Variants in SPTB observed in about 807,000 individuals in gnomAD.
SPTB encodes spectrin beta chain, erythrocytic.
Under a neutral mutation model 256.2 loss-of-function variants are expected in SPTB, and 45 were observed. The observed-to-expected ratio is 0.18, with a 90% CI of 0.14 to 0.23. SPTB has a LOEUF of 0.23. SPTB is among the 10% of genes least tolerant of loss of function. The pLI, the probability that SPTB is intolerant of heterozygous loss-of-function variation, is 1.00. For missense variants in SPTB, 2,715 were observed against 3,040.4 expected (o/e 0.89, Z 2.52); for synonymous variants, 1,231 against 1,243.1 (o/e 0.99, Z 0.21).
At chr14:64,861,926 T>C (rs1370214727) in intron 1 of SPTB, among the ~76,000 whole-genome samples, 2 of 152,236 alleles carry the variant, frequency 1.3e-5, no homozygotes, top group Admixed American at 1.3e-4. Context: ...ATCCTCATTG[T>C]GCTGTGATAT....
At position 64,782,489 on chromosome 14, in the gene SPTB, G is replaced by A; in HGVS notation, c.4067C>T (p.Ala1356Val). The A allele has an allele frequency of 6.2e-7, 1 of 1,614,122 alleles. No individual in the cohort carries two copies. Among genetic ancestry groups the A allele is most frequent in the Non-Finnish European group, 8.5e-7 (1 of 1,180,032 alleles). Residue 1356 changes from alanine to valine, a missense_variant, in exon 20 of 36, where the codon GCC becomes GTC. By Grantham distance (64) the Ala-to-Val change is moderately conservative. Around this residue, in one of 4 missense-constraint regions of SPTB, gnomAD observed 2,239 missense variants for 2,384.4 expected, o/e 0.94. Transcript: ENST00000644917. ...CAGCTCGTCCCAGAGCCGGTGCAGGGCTTCCAGCTTTTGGGACACCAGGGC... is the reference window on the plus strand; with the variant it reads ...CAGCTCGTCCCAGAGCCGGTGCAGGACTTCCAGCTTTTGGGACACCAGGGC... ...FTALVSQKLE[A>V]LHRLWDELQA...
Position 64,767,709 on chromosome 14 carries a change from G to T in SPTB, c.6173C>A (p.Thr2058Lys). ...AGCAAAGCGCTCTGCCCAGCTGGCCGTGGACTTCTCAAAAGCCTCATGCCT... is the reference window on the plus strand; with the variant it reads ...AGCAAAGCGCTCTGCCCAGCTGGCCTTGGACTTCTCAAAAGCCTCATGCCT... Reference protein sequence around the residue: ...IKRHEAFEKSTASWAERFAAL... With the variant: ...IKRHEAFEKSKASWAERFAAL... Residue 2058 changes from threonine (T) to lysine (K), a missense_variant, in exon 30 of 36, where the codon ACG (threonine) becomes AAG (lysine). By Grantham distance (78) the Thr-to-Lys change is moderately conservative (BLOSUM62 -1). Coordinates refer to ENST00000644917, the MANE Select transcript of SPTB (RefSeq NM_001355436.2). 1.2e-6 allele frequency: 2 copies of T among 1,614,166 alleles called. No homozygotes were observed. The highest frequency in any genetic ancestry group is 1.7e-6 in the Non-Finnish European group (2 of 1,180,030).
chr14:64,767,946 C>A, intron 29 of SPTB, 87 bp from the exon 30 acceptor site: 1 of 1,503,832 alleles, frequency 6.6e-7, no homozygotes, highest in South Asian at 1.2e-5. Context: ...GGCCAGTGGT[C>A]AGGCAGGTGG....
In SPTB at chr14:64,779,160, G is replaced by C; in HGVS notation, c.4560C>G (p.Asn1520Lys). Residue 1520 changes from asparagine to lysine, a missense_variant, in exon 22 of 36, where the codon AAC (asparagine) becomes AAG (lysine). Asn to Lys is a moderately conservative substitution (Grantham distance 94). Transcript: ENST00000644917. The surrounding 1 kb of genome is among the most constrained non-coding windows in gnomAD (Gnocchi z 4.2). ...LQTVQLFMKK[N>K]QTLQNEILGH... ...GGTGAGGTGACGCAGGACTCACCTG[G>C]TTCTTCTTCATGAACAGTTGCACAG... The C allele has an allele frequency of 6.2e-7, 1 of 1,613,784 alleles. No homozygotes were observed. Among genetic ancestry groups the C allele is most frequent in the South Asian group, 1.1e-5 (1 of 91,044 alleles).
chr14:64,823,297 T>C lies in SPTB; in HGVS notation c.-51-152A>G, dbSNP rs954058399. On this transcript the variant is annotated intron_variant, in intron 1 of 35. Coordinates refer to ENST00000644917, the MANE Select transcript of SPTB (RefSeq NM_001355436.2). The surrounding 1 kb of genome is among the most constrained non-coding windows in gnomAD (Gnocchi z 6.5). ...TGGGCGTGCTTCCTACCAGGGTCTC[T>C]GGGTCGTTTGTTATAAAATATTGCA... 1.5e-5 allele frequency: 10 copies of C among 658,316 alleles called. No individual in the cohort carries two copies. The highest frequency in any genetic ancestry group is 2.2e-5 in the Non-Finnish European group (8 of 370,724). 40.8% of individuals were successfully genotyped at this position (658,316 alleles called of 1,614,324 possible).
Position 64,853,540 on chromosome 14 carries a change from G to A in SPTB, c.-52+26252C>T, listed in dbSNP as rs2139781017. On this transcript the variant is annotated intron_variant, in intron 1 of 35. Coordinates refer to ENST00000644917, the MANE Select transcript of SPTB (RefSeq NM_001355436.2). This position sits in a 1 kb window ranked among gnomAD's most constrained non-coding sequence, Gnocchi z 4.3. The stretch of plus-strand genomic sequence containing the variant: ...GGGAGAACAGTTTCAGTAGGGCACG[G>A]GGACAAGAACCCATGGCAGCAGGGA... 6.6e-6 allele frequency among the ~76,000 whole-genome samples: 1 copy of A among 152,332 alleles called. No individual in the cohort carries two copies. The highest frequency in any genetic ancestry group is 1.5e-5 in the Non-Finnish European group (1 of 68,028).
At position 64,794,549 on chromosome 14, in the gene SPTB, C is replaced by A; in HGVS notation, c.1713G>T (p.Lys571Asn). 1 of 1,614,200 alleles carries A rather than the reference C, an allele frequency of 6.2e-7. No homozygotes were observed. The highest frequency in any genetic ancestry group is 8.5e-7 in the Non-Finnish European group (1 of 1,180,038). ...GGATGGCGATGTCAGCTTCCATCAACTTGTGCTTCTGTAGCAGGTCTTCAA... is the reference window on the plus strand; with the variant it reads ...GGATGGCGATGTCAGCTTCCATCAAATTGTGCTTCTGTAGCAGGTCTTCAA... ...LEVEDLLQKH[K>N]LMEADIAIQG... Residue 571 changes from lysine to asparagine, a missense_variant, in exon 13 of 36, where the codon AAG (lysine) becomes AAT (asparagine). This residue lies in a region of SPTB where 2,239 missense variants were observed against 2,384.4 expected (regional missense o/e 0.94). Transcript: ENST00000644917.
Position 64,772,681 on chromosome 14 carries a change from G to A in SPTB, c.5452C>T (p.Arg1818Cys), listed in dbSNP as rs548493652. ...EILGLIDEKH[R>C]ELPEDVGLDA... Reference sequence around the variant, plus strand: ...AGCCCCACGTCCTCGGGCAGCTCGCGGTGCTTCTCGTCGATGAGGCCCAGG... The same window carrying A: ...AGCCCCACGTCCTCGGGCAGCTCGCAGTGCTTCTCGTCGATGAGGCCCAGG... Residue 1818 changes from arginine (R) to cysteine (C), a missense_variant, in exon 26 of 36, where the codon CGC (arginine) becomes TGC (cysteine). This residue lies in a region of SPTB where 2,239 missense variants were observed against 2,384.4 expected (regional missense o/e 0.94). Coordinates refer to ENST00000644917, the MANE Select transcript of SPTB (RefSeq NM_001355436.2). The surrounding 1 kb of genome is among the most constrained non-coding windows in gnomAD (Gnocchi z 5.4). 3.0e-5 allele frequency: 48 copies of A among 1,613,678 alleles called. No individual in the cohort carries two copies. Among genetic ancestry groups the A allele is most frequent in the East Asian group, 2.9e-4 (13 of 44,878 alleles).
rs1388062168 is a variant in SPTB, at chr14:64,777,370, A to G, written c.4563+1787T>C. On this transcript the variant is annotated intron_variant, in intron 22 of 35. Coordinates refer to ENST00000644917, the MANE Select transcript of SPTB (RefSeq NM_001355436.2). The surrounding 1 kb of genome is among the most constrained non-coding windows in gnomAD (Gnocchi z 4.5). ...ATCCTGATTGCCCACTGAATAATCC[A>G]GGGAAACAGATGCAGCTAGGGGCCT... 6.6e-6 allele frequency among the ~76,000 whole-genome samples: 1 copy of G among 152,216 alleles called. No individual in the cohort carries two copies. The highest frequency in any genetic ancestry group is 1.5e-5 in the Non-Finnish European group (1 of 68,026).
rs1594730808 is a variant in SPTB, at chr14:64,749,408, G to C, written c.6885C>G (p.Val2295=). 2 of 1,607,950 alleles carry C rather than the reference G, an allele frequency of 1.2e-6. No individual in the cohort carries two copies. The highest frequency in any genetic ancestry group is 2.2e-5 in the East Asian group (1 of 44,868). The change falls in exon 36 of 36, where the codon GTC becomes GTG. Residue 2295 remains valine (V), a synonymous_variant. Transcript: ENST00000644917. The surrounding 1 kb of genome is among the most constrained non-coding windows in gnomAD (Gnocchi z 4.7). Reference sequence around the variant, plus strand: ...AAGGCAGGGGCAGGCTCTGCGCCTTGACGCGGATGCTCTGGGACTCGTTGA... The same window carrying C: ...AAGGCAGGGGCAGGCTCTGCGCCTTCACGCGGATGCTCTGGGACTCGTTGA... ...TAINESQSIR[V]KAQSLPLPSL...
intron 1 of SPTB, among the ~76,000 whole-genome samples, chr14:64,842,023 C>G (rs1282467009): frequency 6.6e-6 from 1 of 152,240 alleles, no homozygotes; most frequent in African/African-American, 2.4e-5. Context: ...AATAGTCACA[C>G]TGAGCTGCTT....
In SPTB at chr14:64,827,070, C is replaced by T. The variant is rs2173556; in HGVS notation, c.-51-3925G>A. 6.6e-6 allele frequency among the ~76,000 whole-genome samples: 1 copy of T among 152,196 alleles called. No individual in the cohort carries two copies. The highest frequency in any genetic ancestry group is 1.5e-5 in the Non-Finnish European group (1 of 68,036). On this transcript the variant is annotated intron_variant, in intron 1 of 35. Coordinates refer to ENST00000644917, the MANE Select transcript of SPTB (RefSeq NM_001355436.2). The surrounding 1 kb of genome is among the most constrained non-coding windows in gnomAD (Gnocchi z 4.6). ...ACCTCATGTGCTATGTCCAGTTACT[C>T]CCTGGGTTGGTTAAGAACTGAGAAA... is the stretch of plus-strand genomic sequence containing the variant.
intron 27 of SPTB, 86 bp from the exon 28 acceptor site, chr14:64,769,814 C>A (rs1389082569): frequency 1.3e-6 from 2 of 1,578,840 alleles, no homozygotes; most frequent in East Asian, 2.2e-5. Flanking sequence ...CCCACCTCCC[C>A]CTGCCTGTGG....
rs912579961 is a variant in SPTB at position 64,749,744 on chromosome 14, C to T, written c.6777-48G>A. 9.4e-6 allele frequency: 15 copies of T among 1,602,980 alleles called. No individual in the cohort carries two copies. Among genetic ancestry groups the T allele is most frequent in the Middle Eastern group, 1.6e-4 (1 of 6,072 alleles). Reference sequence around the variant, plus strand: ...GTCATGGAGACACCTCTGGAGGGGGCGCTGGGCAGAGGGCTGGCTCTGATC... The same window carrying T: ...GTCATGGAGACACCTCTGGAGGGGGTGCTGGGCAGAGGGCTGGCTCTGATC... On this transcript the variant is annotated intron_variant, in intron 34 of 35. Transcript: ENST00000644917. The surrounding 1 kb of genome is among the most constrained non-coding windows in gnomAD (Gnocchi z 4.7).
rs755198398 is a variant in SPTB at position 64,793,097 on chromosome 14, C to T, written c.2566G>A (p.Glu856Lys). Residue 856 changes from glutamate to lysine, a missense_variant, in exon 14 of 36, where the codon GAG becomes AAG. Coordinates refer to ENST00000644917, the MANE Select transcript of SPTB (RefSeq NM_001355436.2). This position sits in a 1 kb window ranked among gnomAD's most constrained non-coding sequence, Gnocchi z 7.0. Reference sequence around the variant, plus strand: ...ATCCACAGCTCACAGGCGTCTGTCTCCCCGAACACCGTGTACAGGTCCAGG... The same window carrying T: ...ATCCACAGCTCACAGGCGTCTGTCTTCCCGAACACCGTGTACAGGTCCAGG... The part of the protein sequence containing the change: ...EALDLYTVFG[E>K]TDACELWMGE... 6.2e-7 allele frequency: 1 copy of T among 1,614,034 alleles called. No homozygotes were observed. The highest frequency in any genetic ancestry group is 2.2e-5 in the East Asian group (1 of 44,902).
intron 1 of SPTB, among the ~76,000 whole-genome samples, chr14:64,874,797 C>A (rs1176396607): frequency 6.6e-6 from 1 of 152,218 alleles, no homozygotes; most frequent in Non-Finnish European, 1.5e-5. Flanking sequence ...CGGAATTATT[C>A]AAGTTTCTTC....
chr14:64,784,147 G>A (rs914175517), intron 19 of SPTB, 100 bp downstream of exon 19: 21 of 1,570,630 alleles, frequency 1.3e-5, no homozygotes, highest in African/African-American at 2.7e-5. Context: ...GTTCTGTACT[G>A]TCAGCAAGCT....
chr14:64,755,273 G>T (rs2082004565), intron 32 of SPTB: 1 of 152,246 alleles, frequency 6.6e-6, no homozygotes. Flanking sequence ...TTGGACATCA[G>T]ATCGAAGCTT....
chr14:64,794,185 A>C (rs1187891437), intron 13 of SPTB, among the ~76,000 whole-genome samples: 7 of 152,202 alleles, frequency 4.6e-5, no homozygotes, highest in Admixed American at 4.6e-4. Flanking sequence ...TCTCTTATTT[A>C]AAACAAGAAT....
Sources: allele counts gnomAD v4.1 joint callset (sites outside exome capture counted in the v4.1 genomes callset), GRCh38; gene constraint gnomAD v4.1.1; regional missense constraint gnomAD v4.1.1; non-coding constraint Gnocchi (gnomAD v3.1); transcripts MANE v1.5; gene names NCBI Gene and HGNC (gene_info 2026-07-23, HGNC 2026-07-21).